The following CTCF variants were observed in gnomAD, a reference collection of about 807,000 sequenced individuals.
CTCF encodes the protein transcriptional repressor CTCF.
Under a neutral mutation model 72.3 loss-of-function variants are expected in CTCF, and 7 were observed. That is an observed-to-expected ratio of 0.10 (90% CI 0.06 to 0.18). CTCF has a LOEUF of 0.18. CTCF is among the 10% of genes least tolerant of loss of function. The pLI is 1.00. For missense variants in CTCF, 516 were observed against 949.1 expected (o/e 0.54, Z 6.00); for synonymous variants, 374 against 315.8 (o/e 1.18, Z -1.95).
chr16:67,633,279 G>A (rs1454284283), intron 10 of CTCF, among the ~76,000 whole-genome samples: 3 of 152,192 alleles, frequency 2.0e-5, no homozygotes, highest in Admixed American at 1.3e-4. Flanking sequence ...ATTAAATGGA[G>A]TGAGAATGTT....
chr16:67,611,491 A>G lies in CTCF; in HGVS notation c.659A>G (p.Asp220Gly). The change falls in exon 3 of 12, where the codon GAT becomes GGT. Residue 220 changes from aspartate to glycine, a missense_variant. Physicochemically the swap from Asp to Gly is moderately conservative, Grantham distance 94. Transcript: ENST00000264010. ...CTGCGTTATACAGAGGAGGGCAAAG[A>G]TGTAGATGTGTCTGTCTACGATTTT... ...SKLRYTEEGK[D>G]VDVSVYDFEE... 1 of 1,614,242 alleles carries G rather than the reference A, an allele frequency of 6.2e-7. No homozygotes were observed. Among genetic ancestry groups the G allele is most frequent in the Non-Finnish European group, 8.5e-7 (1 of 1,180,042 alleles).
intron 1 of CTCF, chr16:67,563,979 C>T (rs912045538): frequency 1.3e-5 from 2 of 152,280 alleles, no homozygotes; most frequent in East Asian, 1.9e-4. Context: ...TCACTTGCTG[C>T]AGATGGTTTA....
In CTCF at chr16:67,574,668, TTTTTTTTTG is replaced by T. The variant is rs1490679173; in HGVS notation, c.-10+3405_-10+3413del. 3.5e-5 allele frequency among the ~76,000 whole-genome samples: 5 copies of T among 141,020 alleles called. No individual in the cohort carries two copies. In the Admixed American group the frequency reaches 3.6e-4, roughly 10 times the overall value. The allele number at this position is 141,020 out of a possible 152,430, so 92.5% of individuals were successfully genotyped here. A position where few individuals can be genotyped will look rare whatever the true frequency, so the allele number is the denominator to read the frequency against. On this transcript the variant is annotated intron_variant, in intron 2 of 11. Transcript: ENST00000264010. ...AAAGCATCTTTTTTTTTTTTTTTTT[TTTTTTTTTG>T]AGATGGAGTCTTGCTCTGTTGCCCA...
Position 67,628,482 on chromosome 16 carries a change from G to A in CTCF, c.1631G>A (p.Arg544His), listed in dbSNP as rs1436030657. The change falls in exon 9 of 12, where the codon CGC (arginine) becomes CAC (histidine). Residue 544 changes from arginine (R) to histidine (H), a missense_variant. Arg to His is a conservative substitution (Grantham distance 29). Transcript: ENST00000264010. The stretch of plus-strand genomic sequence containing the variant: ...CAGCTTCTCGACATGCACTTCAAGC[G>A]CTATCACGACCCCAACTTCGTCCCT... ...QKQLLDMHFK[R>H]YHDPNFVPAA... The A allele has an allele frequency of 1.2e-6, 2 of 1,614,116 alleles. No individual in the cohort carries two copies. The highest frequency in any genetic ancestry group is 1.1e-5 in the South Asian group (1 of 91,090).
chr16:67,629,368 T>C lies in CTCF; in HGVS notation c.1702-30T>C, dbSNP rs145348168. The C allele has an allele frequency of 5.5e-5, 87 of 1,580,660 alleles. No individual in the cohort carries two copies. In the African/African-American group the frequency reaches 1.1e-3, roughly 21 times the overall value. On this transcript the variant is annotated intron_variant, in intron 9 of 11. Transcript: ENST00000264010. ...AATCTGATCTTAGCTTTTTTAGTGG[T>C]GTGAAAGAGGATTTTGTTCTTTTTG...
Position 67,610,820 on chromosome 16 carries a change from A to AT in CTCF, c.-9-4_-9-3insT. 6.9e-7 allele frequency: 1 copy of AT among 1,455,550 alleles called. No individual in the cohort carries two copies. The highest frequency in any genetic ancestry group is 9.1e-7 in the Non-Finnish European group (1 of 1,099,514). 90.2% of individuals were successfully genotyped at this position (1,455,550 alleles called of 1,614,324 possible). ...ATAACAATCTGTGTTCTCCCTTAAT[A>AT]AAGGCAGGGGAAATGGAAGGTGATG... On this transcript the variant is annotated splice_region_variant and splice_polypyrimidine_tract_variant and intron_variant, in intron 2 of 11. Coordinates refer to ENST00000264010, the MANE Select transcript of CTCF (RefSeq NM_006565.4).
intron 2 of CTCF, among the ~76,000 whole-genome samples, chr16:67,601,300 TG>T: frequency 8.2e-6 from 1 of 122,422 alleles, no homozygotes; most frequent in East Asian, 2.3e-4. Flanking sequence ...TCACCGTGTG[TG>T]TGTGTGTGTG....
intron 2 of CTCF, among the ~76,000 whole-genome samples, chr16:67,580,330 C>G (rs77594067): frequency 0.038 from 5,713 of 152,110 alleles, 354 homozygotes; most frequent in African/African-American, 0.13. Flanking sequence ...TGGCCTCAAG[C>G]TCCTGAGTAG....
At chr16:67,568,143 G>C (rs149212117) in intron 1 of CTCF, 2 of 151,840 alleles carry the variant, frequency 1.3e-5, no homozygotes, top group African/African-American at 4.8e-5. Context: ...GCAGTGGCAT[G>C]TTCTGGGCTC....
intron 2 of CTCF, among the ~76,000 whole-genome samples, chr16:67,580,772 A>ATTTTTTTTTTTTTTTTTTTTTTTT (rs781616750): frequency 3.3e-5 from 4 of 120,220 alleles, no homozygotes; most frequent in African/African-American, 1.4e-4. Context: ...GCCTGGCCAA[A>ATTTTTTTTTTTTTTTTTTTTTTTT]TTTTTTTTTT....
intron 2 of CTCF, among the ~76,000 whole-genome samples, chr16:67,576,133 C>T (rs1454268298): frequency 1.4e-5 from 2 of 140,186 alleles, no homozygotes; most frequent in Admixed American, 1.4e-4. Flanking sequence ...AGAGTGAGAC[C>T]CTGTCTTAAA....
chr16:67,635,095 C>T (rs2052412511), intron 10 of CTCF, among the ~76,000 whole-genome samples: 1 of 151,830 alleles, frequency 6.6e-6, no homozygotes, highest in Non-Finnish European at 1.5e-5. Context: ...AATCTTGGCT[C>T]ACTGCAACCT....
chr16:67,597,190 A>G (rs538309027), intron 2 of CTCF, among the ~76,000 whole-genome samples: 3 of 152,048 alleles, frequency 2.0e-5, no homozygotes, highest in Non-Finnish European at 4.4e-5. Context: ...GCACACCACC[A>G]TGCCCAGCTG....
At chr16:67,630,144 T>C (rs1197008978) in intron 10 of CTCF, among the ~76,000 whole-genome samples, 2 of 152,078 alleles carry the variant, frequency 1.3e-5, no homozygotes, top group Non-Finnish European at 2.9e-5. Flanking sequence ...TTATTCAAAT[T>C]TGTGATATTC....
chr16:67,578,566 C>T (rs921510922), intron 2 of CTCF, among the ~76,000 whole-genome samples: 3 of 151,566 alleles, frequency 2.0e-5, no homozygotes, highest in Admixed American at 6.6e-5. Flanking sequence ...CTCCTGGCCT[C>T]AAGTGTTCCA....
At chr16:67,595,362 A>C (rs1481728562) in intron 2 of CTCF, among the ~76,000 whole-genome samples, 1 of 151,966 alleles carries the variant, frequency 6.6e-6, no homozygotes, top group Non-Finnish European at 1.5e-5. Context: ...TCATTCCTGG[A>C]TTTAGTCAGT....
Position 67,573,586 on chromosome 16 carries a change from A to G in CTCF, c.-10+2322A>G, listed in dbSNP as rs1453050272. Among the ~76,000 whole-genome samples, 6 of 152,326 alleles carry G rather than the reference A, an allele frequency of 3.9e-5. No homozygotes were observed. The East Asian group carries it at 5.8e-4, about 15-fold the overall frequency. ...GGGAAGTTCTCTCTGTATAGGTTCT[A>G]TAGTGGATATGTTTGAGAAGCAATA... On this transcript the variant is annotated intron_variant, in intron 2 of 11. Transcript: ENST00000264010.
intron 2 of CTCF, among the ~76,000 whole-genome samples, chr16:67,599,737 C>T (rs1026649915): frequency 2.6e-5 from 4 of 152,150 alleles, no homozygotes; most frequent in Non-Finnish European, 5.9e-5. Context: ...TATGGTGATA[C>T]CACAGTCCGG....
chr16:67,590,439 T>C (rs917954162), intron 2 of CTCF, among the ~76,000 whole-genome samples: 4 of 151,958 alleles, frequency 2.6e-5, no homozygotes, highest in Non-Finnish European at 5.9e-5. Context: ...AAGAAACATT[T>C]TCATTTCCCT....
Sources: allele counts gnomAD v4.1 joint callset (sites outside exome capture counted in the v4.1 genomes callset), GRCh38; gene constraint gnomAD v4.1.1; transcripts MANE v1.5; gene names NCBI Gene and HGNC (gene_info 2026-07-23, HGNC 2026-07-21).